ARHGEF16: variants seen among roughly 807,000 people sequenced by gnomAD.
The protein encoded by ARHGEF16 is Rho guanine nucleotide exchange factor 16.
A neutral mutation model predicts 74.1 loss-of-function variants in ARHGEF16; 59 were observed. The ratio of observed to expected loss-of-function variants is 0.80; its 90% CI spans 0.65 to 0.99. The LOEUF is 0.99. Ranked by LOEUF, ARHGEF16 falls within the 50% of genes least tolerant of loss-of-function variation. The pLI, the probability that ARHGEF16 is intolerant of heterozygous loss-of-function variation, is 0.00. For missense variants in ARHGEF16, 948 were observed against 986.6 expected, an observed-to-expected ratio of 0.96 and a Z score of 0.52; for synonymous variants, 415 against 412.6, an observed-to-expected ratio of 1.01 and a Z score of -0.07.
chr1:3,478,010 G>A lies in ARHGEF16; in HGVS notation c.1609G>A (p.Val537Met). The part of the protein sequence containing the change: ...YLFLFNDVLV[V>M]TKKKSEESYM... ...TTTCCTGTTCAACGATGTCCTGGTT[G>A]TGACCAAGAAGAAGAGGTGGCCTTA... Residue 537 changes from valine to methionine, a missense_variant, in exon 11 of 15, where the codon GTG becomes ATG. Physicochemically the swap from Val to Met is conservative, Grantham distance 21. Coordinates refer to ENST00000378378, the MANE Select transcript of ARHGEF16 (RefSeq NM_014448.4). 3 of 1,612,714 alleles carry A rather than the reference G, an allele frequency of 1.9e-6. No homozygotes were observed. The highest frequency in any genetic ancestry group is 1.1e-5 in the South Asian group (1 of 91,086).
At chr1:3,469,202 C>T (rs944369328) in intron 5 of ARHGEF16, among the ~76,000 whole-genome samples, 4 of 152,194 alleles carry the variant, frequency 2.6e-5, no homozygotes, top group Admixed American at 2.0e-4. Context: ...GGACGGGGGT[C>T]GTTGCCCAGC....
chr1:3,479,430 C>A, intron 12 of ARHGEF16, 87 bp from the exon 13 acceptor site: 1 of 1,455,956 alleles, frequency 6.9e-7, no homozygotes, highest in Admixed American at 1.8e-5. Flanking sequence ...CTTGCCACGG[C>A]CCCCATGGGT....
chr1:3,478,613 G>GT lies in ARHGEF16; in HGVS notation c.1814+2dup, dbSNP rs1557699361. The GT allele has an allele frequency of 3.7e-6, 6 of 1,603,074 alleles. No individual in the cohort carries two copies. Among genetic ancestry groups the GT allele is most frequent in the East Asian group, 2.2e-5 (1 of 44,658 alleles). ...AGCTCCTGCTCTCCTCGGACTCCGC[G>GT]TAAGTGGGCTCCCGGGAGGGCTGTT... On this transcript the variant is annotated splice_donor_variant, in intron 12 of 14. Transcript: ENST00000378378. LOFTEE classifies it high-confidence loss of function.
chr1:3,473,590 C>T lies in ARHGEF16; in HGVS notation c.1305+68C>T, dbSNP rs181128044. 49 of 1,594,582 alleles carry T rather than the reference C, an allele frequency of 3.1e-5. No individual in the cohort carries two copies. In the African/African-American group the frequency reaches 4.9e-4, roughly 16 times the overall value. On this transcript the variant is annotated intron_variant, in intron 8 of 14. Transcript: ENST00000378378. ...GGGTCCCACGGCCAGAGCCCTGCCC[C>T]GGATGGAGCATTACGTGCTTGTGAC... is the stretch of plus-strand genomic sequence containing the variant.
At chr1:3,464,716 C>T (rs151219635) in intron 2 of ARHGEF16, among the ~76,000 whole-genome samples, 3 of 152,336 alleles carry the variant, frequency 2.0e-5, no homozygotes, top group African/African-American at 4.8e-5. Context: ...CCTGAACCTT[C>T]CTGAGCCTTG....
intron 3 of ARHGEF16, 126 bp downstream of exon 3, chr1:3,466,319 C>T: frequency 9.7e-7 from 1 of 1,032,172 alleles, no homozygotes; most frequent in Non-Finnish European, 1.4e-6. Flanking sequence ...TTGACAGGGT[C>T]CTTCCAGAGG....
At chr1:3,461,061 T>G (rs1422416063) in intron 1 of ARHGEF16, among the ~76,000 whole-genome samples, 1 of 152,192 alleles carries the variant, frequency 6.6e-6, no homozygotes, top group African/African-American at 2.4e-5. Flanking sequence ...GACTCAGCCT[T>G]GTTTTCCCAT....
At chr1:3,470,475 ATG>A (rs922594389) in intron 6 of ARHGEF16, among the ~76,000 whole-genome samples, 5 of 125,166 alleles carry the variant, frequency 4.0e-5, no homozygotes, top group African/African-American at 6.3e-5. Context: ...GTGTGCATGG[ATG>A]TGTGTGCATG....
chr1:3,455,700 C>G lies in ARHGEF16; in HGVS notation c.-20+889C>G, dbSNP rs139287163. ...GGTGCGTGTGGGCCTGGCTGGGGGT[C>G]CAGCAAGAGGGTCCAGGTGCTGTGC... On this transcript the variant is annotated intron_variant, in intron 1 of 14. Transcript: ENST00000378378. Among the ~76,000 whole-genome samples, 245 of 152,166 alleles carry G rather than the reference C, an allele frequency of 1.6e-3. 2 individuals carry two copies. The highest frequency in any genetic ancestry group is 0.011 in the South Asian group (54 of 4,808).
At position 3,468,755 on chromosome 1, in the gene ARHGEF16, T is replaced by C. The variant is rs992646993; in HGVS notation, c.805-125T>C. On this transcript the variant is annotated intron_variant, in intron 4 of 14. Transcript: ENST00000378378. ...GACAGGCCTACTCCAGGATCGGACC[T>C]ACCTGAGCCCTGTGGGGTGGCTGTC... 161 of 1,061,042 alleles carry C rather than the reference T, an allele frequency of 1.5e-4. 1 individual carries two copies. The African/African-American group carries it at 2.1e-3, about 14-fold the overall frequency. 65.7% of individuals were successfully genotyped at this position (1,061,042 alleles called of 1,614,324 possible).
intron 6 of ARHGEF16, 100 bp downstream of exon 6, chr1:3,469,693 G>A (rs1441737599): frequency 1.9e-5 from 28 of 1,465,694 alleles, no homozygotes; most frequent in East Asian, 1.6e-4. Context: ...GGGAGCCTGC[G>A]CTGCACCTTG....
At chr1:3,457,564 T>C (rs959442029) in intron 1 of ARHGEF16, among the ~76,000 whole-genome samples, 1 of 152,040 alleles carries the variant, frequency 6.6e-6, no homozygotes, top group Non-Finnish European at 1.5e-5. Flanking sequence ...AGCCCATCTC[T>C]CCGGAAGGAT....
Position 3,464,418 on chromosome 1 carries a change from A to G in ARHGEF16, c.588+746A>G, listed in dbSNP as rs192466474. ...AGAGTTGCGTGGTACCTGGACACCC[A>G]CCCAGCCAGGACTGCGACTCTGGCC... On this transcript the variant is annotated intron_variant, in intron 2 of 14. Coordinates refer to ENST00000378378, the MANE Select transcript of ARHGEF16 (RefSeq NM_014448.4). 8.2e-3 allele frequency among the ~76,000 whole-genome samples: 1,250 copies of G among 152,132 alleles called. 20 individuals carry two copies. The highest frequency in any genetic ancestry group is 0.029 in the African/African-American group (1,199 of 41,478).
rs368547798 is a variant in ARHGEF16 at position 3,480,551 on chromosome 1, C to G, written c.2094C>G (p.Arg698=). ...TSRVAVEGNV[R]RMERLRVETD... is the part of the protein sequence containing the mutation. Reference sequence around the variant, plus strand: ...GTGTGGCCGTGGAGGGCAATGTCCGCAGGATGGAGCGTCTGCGGGTGGAGA... The same window carrying G: ...GTGTGGCCGTGGAGGGCAATGTCCGGAGGATGGAGCGTCTGCGGGTGGAGA... The change falls in exon 15 of 15, where the codon CGC becomes CGG. Residue 698 remains arginine, a synonymous_variant. Coordinates refer to ENST00000378378, the MANE Select transcript of ARHGEF16 (RefSeq NM_014448.4). 425 of 1,610,626 alleles carry G rather than the reference C, an allele frequency of 2.6e-4. No homozygotes were observed. The highest frequency in any genetic ancestry group is 3.3e-4 in the Non-Finnish European group (391 of 1,179,916).
At chr1:3,471,764 A>T in intron 6 of ARHGEF16, 2 of 1,180,284 alleles carry the variant, frequency 1.7e-6, no homozygotes, top group Non-Finnish European at 2.2e-6. Flanking sequence ...TTCACAGTGA[A>T]CTGTCTGGGG....
chr1:3,455,945 A>G (rs751414658), intron 1 of ARHGEF16, among the ~76,000 whole-genome samples: 13 of 152,210 alleles, frequency 8.5e-5, no homozygotes, highest in Non-Finnish European at 1.9e-4. Flanking sequence ...AGAGGGGAAC[A>G]GGGTGAGATG....
chr1:3,475,906 G>A (rs1023696873), intron 9 of ARHGEF16, 64 bp from the exon 10 acceptor site: 5 of 1,474,724 alleles, frequency 3.4e-6, no homozygotes, highest in Non-Finnish European at 3.7e-6. Flanking sequence ...GCACACTGTG[G>A]GCCGTGTGGG....
chr1:3,478,263 A>C, intron 11 of ARHGEF16, 161 bp from the exon 12 acceptor site: 1 of 954,054 alleles, frequency 1.0e-6, no homozygotes, highest in Non-Finnish European at 1.6e-6. Context: ...GAGGACTCGA[A>C]AGCCATGGCC....
chr1:3,473,744 G>A (rs1321538459), intron 8 of ARHGEF16: 5 of 741,644 alleles, frequency 6.7e-6, no homozygotes, highest in Non-Finnish European at 8.5e-6. Context: ...CCAGCCCTTG[G>A]CGGATTTGTG....
Sources: allele counts gnomAD v4.1 joint callset (sites outside exome capture counted in the v4.1 genomes callset), GRCh38; gene constraint gnomAD v4.1.1; transcripts MANE v1.5; gene names NCBI Gene and HGNC (gene_info 2026-07-23, HGNC 2026-07-21).